The following PTPRT variants were observed in gnomAD, a reference collection of about 807,000 sequenced individuals.
The protein encoded by PTPRT is protein tyrosine phosphatase receptor type T.
A neutral mutation model predicts 176.8 loss-of-function variants in PTPRT; 56 were observed. The ratio of observed to expected loss-of-function variants is 0.32; its 90% confidence interval spans 0.26 to 0.40. The LOEUF (loss-of-function observed/expected upper bound fraction) is 0.40. Ranked by LOEUF, PTPRT falls within the 10% of genes least tolerant of loss-of-function variation. PTPRT has a pLI of 1.00. For synonymous variants in PTPRT, 783 were observed against 739.0 expected (o/e 1.06, Z -0.96); for missense variants, 1,540 against 1,908.2 (o/e 0.81, Z 3.60).
At chr20:43,056,605 T>TG (rs1009774412) in intron 1 of PTPRT, among the ~76,000 whole-genome samples, 12 of 152,128 alleles carry the variant, frequency 7.9e-5, no homozygotes, top group African/African-American at 1.7e-4. Flanking sequence ...AAAATTTTTC[T>TG]GGGGGGGTGT....
intron 1 of PTPRT, among the ~76,000 whole-genome samples, chr20:42,988,832 A>C (rs960798376): frequency 2.0e-5 from 3 of 152,208 alleles, no homozygotes; most frequent in African/African-American, 7.2e-5. Flanking sequence ...ACGAGGTGAC[A>C]GTGTGCCTTG....
At chr20:42,062,583 T>C in the PTPRT span, among the ~76,000 whole-genome samples, 1 of 152,210 alleles carries the variant, frequency 6.6e-6, no homozygotes, top group African/African-American at 2.4e-5. Context: ...CCCCCTCCTG[T>C]GGCCTCTGGG....
At chr20:42,906,655 G>T (rs1187275089) in intron 1 of PTPRT, among the ~76,000 whole-genome samples, 3 of 152,134 alleles carry the variant, frequency 2.0e-5, no homozygotes, top group African/African-American at 7.2e-5. Flanking sequence ...GAGCCCTACA[G>T]CCTACCCATC....
chr20:42,761,750 T>C (rs979799004), intron 5 of PTPRT, among the ~76,000 whole-genome samples: 10 of 152,192 alleles, frequency 6.6e-5, no homozygotes, highest in African/African-American at 2.4e-4. Context: ...GTGATGGGGA[T>C]TGGAATTCTT....
At chr20:42,773,871 C>T (rs980063371) in intron 4 of PTPRT, among the ~76,000 whole-genome samples, 1 of 152,168 alleles carries the variant, frequency 6.6e-6, no homozygotes, top group Non-Finnish European at 1.5e-5. Flanking sequence ...CAAAGAAATG[C>T]TCTTCCCTTA....
intron 1 of PTPRT, among the ~76,000 whole-genome samples, chr20:43,025,170 T>C (rs148431490): frequency 9.2e-4 from 140 of 152,332 alleles, no homozygotes; most frequent in African/African-American, 3.2e-3. Context: ...TAGCTCACCA[T>C]GCCTGATACT....
At chr20:42,654,379 C>A (rs2145979334) in intron 7 of PTPRT, among the ~76,000 whole-genome samples, 1 of 152,238 alleles carries the variant, frequency 6.6e-6, no homozygotes, top group African/African-American at 2.4e-5. Context: ...GGCAGGCAGG[C>A]AACTTAGGGA....
intron 1 of PTPRT, among the ~76,000 whole-genome samples, chr20:42,957,482 A>G (rs1981711537): frequency 6.6e-6 from 1 of 152,148 alleles, no homozygotes; most frequent in Non-Finnish European, 1.5e-5. Flanking sequence ...AAACTGCTGG[A>G]GAGAGACGCC....
At chr20:43,168,378 T>G (rs16987892) in intron 1 of PTPRT, among the ~76,000 whole-genome samples, 10,376 of 152,198 alleles carry the variant, frequency 0.068, 685 homozygotes, top group African/African-American at 0.17. Context: ...ACATCAGGAA[T>G]GCAGTGAGAT....
At chr20:42,526,539 T>G (rs1057410884) in intron 7 of PTPRT, among the ~76,000 whole-genome samples, 1 of 152,184 alleles carries the variant, frequency 6.6e-6, no homozygotes, top group African/African-American at 2.4e-5. Flanking sequence ...GTAGAAAAGA[T>G]AATTGCTTAA....
intron 1 of PTPRT, among the ~76,000 whole-genome samples, chr20:42,941,061 G>A (rs1027603387): frequency 6.6e-6 from 1 of 151,064 alleles, no homozygotes; most frequent in African/African-American, 2.4e-5. Flanking sequence ...CAGCCTGGGC[G>A]ACAGAGCAAG....
At chr20:43,152,282 A>T (rs1412260869) in intron 1 of PTPRT, among the ~76,000 whole-genome samples, 1 of 152,236 alleles carries the variant, frequency 6.6e-6, no homozygotes, top group African/African-American at 2.4e-5. Flanking sequence ...ACAAACAGAT[A>T]TCATTTTTGC....
At chr20:43,112,453 T>C (rs2012903036) in intron 1 of PTPRT, among the ~76,000 whole-genome samples, 1 of 152,184 alleles carries the variant, frequency 6.6e-6, no homozygotes, top group Non-Finnish European at 1.5e-5. Context: ...TCCATTCTAT[T>C]CTGTTGCATG....
chr20:42,105,876 A>G (rs920083207), intron 24 of PTPRT, among the ~76,000 whole-genome samples: 1 of 152,170 alleles, frequency 6.6e-6, no homozygotes, highest in African/African-American at 2.4e-5. Context: ...ATAGTTCCCT[A>G]TCTGTCCCAG....
rs200748461 is a variant in PTPRT, at chr20:42,158,100, C to T, written c.2682+3252G>A. On this transcript the variant is annotated intron_variant, in intron 17 of 30. Transcript: ENST00000373187. ...CCTGTTGTACCCTGCACAGATTCCA[C>T]AGAATCAATGAATGCAAGAGATTGG... Among the ~76,000 whole-genome samples the T allele has an allele frequency of 1.5e-4, 23 of 152,344 alleles. No homozygotes were observed. In the East Asian group the frequency reaches 2.7e-3, roughly 18 times the overall value.
At chr20:42,391,331 T>G (rs927673615) in intron 9 of PTPRT, among the ~76,000 whole-genome samples, 1 of 152,114 alleles carries the variant, frequency 6.6e-6, no homozygotes, top group African/African-American at 2.4e-5. Context: ...TGAACACAAG[T>G]GTAGAAGTCT....
At chr20:42,458,772 T>C (rs986555736) in intron 8 of PTPRT, among the ~76,000 whole-genome samples, 2 of 152,226 alleles carry the variant, frequency 1.3e-5, no homozygotes, top group East Asian at 1.9e-4. Flanking sequence ...ATTTCTATGG[T>C]AAATGATCTT....
the PTPRT span, among the ~76,000 whole-genome samples, chr20:42,048,828 GTTTTGTTTTT>G: frequency 1.5e-4 from 23 of 152,204 alleles, no homozygotes; most frequent in East Asian, 3.9e-3. Flanking sequence ...GTTTTGTTTT[GTTTTGTTTTT>G]GAGATGCACT....
At chr20:43,186,059 C>A (rs1434848694) in intron 1 of PTPRT, among the ~76,000 whole-genome samples, 1 of 152,226 alleles carries the variant, frequency 6.6e-6, no homozygotes, top group African/African-American at 2.4e-5. Context: ...AGGTCAGTAA[C>A]AGACAAGGCT....
Sources: gnomAD v4.1 joint callset for allele counts (sites outside exome capture counted in the v4.1 genomes callset) on GRCh38, gnomAD v4.1.1 for gene constraint, MANE v1.5 for transcripts, NCBI Gene and HGNC (gene_info 2026-07-23, HGNC 2026-07-21) for gene names.